Variants in PDE4B observed in about 807,000 individuals in gnomAD.
PDE4B encodes 3',5'-cyclic-AMP phosphodiesterase 4B.
A neutral mutation model predicts 82.2 loss-of-function variants in PDE4B; 20 were observed. The ratio of observed to expected loss-of-function variants is 0.24; its 90% CI spans 0.17 to 0.35. The LOEUF (loss-of-function observed/expected upper bound fraction) is 0.35, where lower values mean the gene tolerates loss of function less well. PDE4B is among the 10% of genes least tolerant of loss of function. The pLI is 1.00. For synonymous variants in PDE4B, 320 were observed against 318.9 expected (o/e 1.00, Z -0.04); for missense variants, 655 against 907.2 (o/e 0.72, Z 3.57).
At chr1:66,005,137 A>G (rs1008958830) in intron 3 of PDE4B, among the ~76,000 whole-genome samples, 1 of 152,106 alleles carries the variant, frequency 6.6e-6, no homozygotes, top group African/African-American at 2.4e-5. Flanking sequence ...CATCCCATTA[A>G]TAAATATTAT....
intron 1 of PDE4B, among the ~76,000 whole-genome samples, chr1:65,890,635 G>C (rs1006025827): frequency 7.2e-5 from 11 of 152,054 alleles, no homozygotes; most frequent in African/African-American, 2.7e-4. Context: ...AGAGTTGTAG[G>C]AGGGAGAGAG....
rs554901278 is a variant in PDE4B at position 66,333,514 on chromosome 1, T to C, written c.747+894T>C. Among the ~76,000 whole-genome samples the C allele has an allele frequency of 1.4e-4, 21 of 152,304 alleles. No homozygotes were observed. In the East Asian group the frequency reaches 3.5e-3, roughly 25 times the overall value. ...CACTTTGTTAAAAAGCCTTACACCATACCCTCATAGGTGCACATTTCAGAG... is the reference window on the plus strand; with the variant it reads ...CACTTTGTTAAAAAGCCTTACACCACACCCTCATAGGTGCACATTTCAGAG... On this transcript the variant is annotated intron_variant, in intron 8 of 16. Coordinates refer to ENST00000341517, the MANE Select transcript of PDE4B (RefSeq NM_002600.4).
chr1:65,998,323 G>C (rs961966678), intron 3 of PDE4B, among the ~76,000 whole-genome samples: 1 of 151,750 alleles, frequency 6.6e-6, no homozygotes, highest in Non-Finnish European at 1.5e-5. Flanking sequence ...AGGTGGGAAA[G>C]CTAGGAAGTA....
At chr1:65,839,589 G>A (rs926031840) in intron 1 of PDE4B, among the ~76,000 whole-genome samples, 1 of 152,100 alleles carries the variant, frequency 6.6e-6, no homozygotes, top group African/African-American at 2.4e-5. Context: ...TCCCTGCAAA[G>A]GACAGGAACT....
At chr1:66,221,708 C>G in intron 3 of PDE4B, among the ~76,000 whole-genome samples, 1 of 152,108 alleles carries the variant, frequency 6.6e-6, no homozygotes, top group East Asian at 1.9e-4. Flanking sequence ...GATACACAAA[C>G]AGATAAGATC....
chr1:66,185,800 A>G (rs1647184858), intron 3 of PDE4B, among the ~76,000 whole-genome samples: 1 of 151,718 alleles, frequency 6.6e-6, no homozygotes, highest in Non-Finnish European at 1.5e-5. Flanking sequence ...TTTCATTCTG[A>G]TGGTAGTTTC....
At chr1:66,224,440 C>A (rs569640682) in intron 3 of PDE4B, among the ~76,000 whole-genome samples, 2 of 152,112 alleles carry the variant, frequency 1.3e-5, no homozygotes, top group Non-Finnish European at 2.9e-5. Context: ...GTCAAGCAGC[C>A]GGGCACAGTG....
chr1:65,896,404 C>A (rs1355283142), intron 1 of PDE4B, among the ~76,000 whole-genome samples: 1 of 152,124 alleles, frequency 6.6e-6, no homozygotes, highest in Non-Finnish European at 1.5e-5. Flanking sequence ...CACTGTGTCC[C>A]TCCCATGACA....
At position 65,882,067 on chromosome 1, in the gene PDE4B, T is replaced by C. The variant is rs190964506; in HGVS notation, c.-70-31178T>C. On this transcript the variant is annotated intron_variant, in intron 1 of 16. Coordinates refer to ENST00000341517, the MANE Select transcript of PDE4B (RefSeq NM_002600.4). ...ATCTGAAATAAAATACTGAATTTAT[T>C]AATATTTTAAGCAAGGGAAAGCCTT... 5.0e-3 allele frequency among the ~76,000 whole-genome samples: 754 copies of C among 152,240 alleles called. 6 individuals carry two copies. Among genetic ancestry groups the C allele is most frequent in the African/African-American group, 0.017 (704 of 41,560 alleles).
chr1:66,011,749 A>G (rs1159204697), intron 3 of PDE4B, among the ~76,000 whole-genome samples: 1 of 152,104 alleles, frequency 6.6e-6, no homozygotes, highest in Non-Finnish European at 1.5e-5. Flanking sequence ...GGATATTGGC[A>G]GGCAGAGGGT....
intron 7 of PDE4B, among the ~76,000 whole-genome samples, chr1:66,304,711 A>G (rs550824084): frequency 2.0e-5 from 3 of 152,254 alleles, no homozygotes; most frequent in East Asian, 3.9e-4. Context: ...ATTCTCGTAG[A>G]CCCAGTGAGG....
intron 3 of PDE4B, among the ~76,000 whole-genome samples, chr1:65,937,959 A>G (rs893143970): frequency 6.6e-6 from 1 of 152,220 alleles, no homozygotes; most frequent in Non-Finnish European, 1.5e-5. Flanking sequence ...ACTCAACTCC[A>G]TAAGAACCTT....
intron 3 of PDE4B, chr1:66,042,395 A>G (rs1431602612): frequency 2.0e-5 from 3 of 151,844 alleles, no homozygotes; most frequent in African/African-American, 4.8e-5. Context: ...GGTCCAATAT[A>G]TCTTAATATA....
intron 3 of PDE4B, among the ~76,000 whole-genome samples, chr1:66,130,154 G>T (rs1645911153): frequency 6.6e-6 from 1 of 152,178 alleles, no homozygotes; most frequent in South Asian, 2.1e-4. Context: ...GCAAATGGGA[G>T]AATGGATTGA....
Position 66,202,895 on chromosome 1 carries a change from G to T in PDE4B, c.282-44565G>T, listed in dbSNP as rs28840754. ...GTGAATTTGATCCTGTCATTATGAT[G>T]TTAGCTGGTTATTTTGCTCATTAGT... On this transcript the variant is annotated intron_variant, in intron 3 of 16. Coordinates refer to ENST00000341517, the MANE Select transcript of PDE4B (RefSeq NM_002600.4). Among the ~76,000 whole-genome samples, 558 of 151,452 alleles carry T rather than the reference G, an allele frequency of 3.7e-3. 1 individual carries two copies. The highest frequency in any genetic ancestry group is 0.013 in the African/African-American group (530 of 41,314).
chr1:66,332,047 A>T lies in PDE4B; in HGVS notation c.635-461A>T, dbSNP rs984757984. 7 of 1,066,016 alleles carry T rather than the reference A, an allele frequency of 6.6e-6. No homozygotes were observed. The African/African-American group carries it at 1.0e-4, about 15-fold the overall frequency. 66.0% of individuals were successfully genotyped at this position (1,066,016 alleles called of 1,614,324 possible). On this transcript the variant is annotated intron_variant, in intron 7 of 16. Coordinates refer to ENST00000341517, the MANE Select transcript of PDE4B (RefSeq NM_002600.4). ...TTTTGACTGTTTCATTTAGAAGAAAAGCAAAATGAGAAAAAGCTTTCCTCA... is the reference window on the plus strand; with the variant it reads ...TTTTGACTGTTTCATTTAGAAGAAATGCAAAATGAGAAAAAGCTTTCCTCA...
chr1:66,301,644 A>G (rs534422053), intron 7 of PDE4B, among the ~76,000 whole-genome samples: 115 of 152,204 alleles, frequency 7.6e-4, no homozygotes, highest in Admixed American at 2.3e-3. Context: ...TATTGCAAGC[A>G]TATAAATGTA....
chr1:66,191,291 A>G (rs1415220349), intron 3 of PDE4B, among the ~76,000 whole-genome samples: 1 of 152,164 alleles, frequency 6.6e-6, no homozygotes, highest in Non-Finnish European at 1.5e-5. Flanking sequence ...AAATTTTGTG[A>G]GCTACATCCT....
chr1:65,840,824 A>G (rs529522868), intron 1 of PDE4B, among the ~76,000 whole-genome samples: 9 of 152,326 alleles, frequency 5.9e-5, no homozygotes, highest in East Asian at 3.9e-4. Context: ...AAGGCAGTCA[A>G]TATCCCCTTG....
Sources: gnomAD v4.1 joint callset for allele counts (sites outside exome capture counted in the v4.1 genomes callset) on GRCh38, gnomAD v4.1.1 for gene constraint, MANE v1.5 for transcripts, NCBI Gene and HGNC (gene_info 2026-07-23, HGNC 2026-07-21) for gene names.